Variants in MECOM observed in about 807,000 individuals in gnomAD.
MECOM encodes the protein histone-lysine N-methyltransferase MECOM.
In MECOM, 13 loss-of-function variants were observed where a neutral mutation model predicts 116.3. The observed-to-expected ratio is 0.11, with a 90% CI of 0.07 to 0.18. The LOEUF is 0.18. Ranked by LOEUF, MECOM falls within the 10% of genes least tolerant of loss-of-function variation. MECOM has a pLI of 1.00. For missense variants in MECOM, 1,299 were observed against 1,509.0 expected, an observed-to-expected ratio of 0.86 and a Z score of 2.31; for synonymous variants, 528 against 535.2, an observed-to-expected ratio of 0.99 and a Z score of 0.19.
At chr3:169,443,554 T>C (rs1386050699) in intron 1 of MECOM, among the ~76,000 whole-genome samples, 1 of 152,220 alleles carries the variant, frequency 6.6e-6, no homozygotes, top group African/African-American at 2.4e-5. Flanking sequence ...TGCCCTCAAA[T>C]AGTTAAGGCT....
intron 16 of MECOM, chr3:169,086,377 C>A (rs1237993001): frequency 3.5e-6 from 2 of 575,872 alleles, no homozygotes; most frequent in African/African-American, 3.8e-5. Context: ...GATTATGTAC[C>A]TACTTTTAGA....
At chr3:169,377,336 T>TTAAAC (rs1731214318) in intron 2 of MECOM, among the ~76,000 whole-genome samples, 6 of 151,358 alleles carry the variant, frequency 4.0e-5, no homozygotes, top group East Asian at 1.9e-4. Context: ...TGGGATCTAA[T>TTAAAC]TAAAGAGCTT....
At chr3:169,609,686 T>C (rs1769017837) in intron 1 of MECOM, among the ~76,000 whole-genome samples, 1 of 152,188 alleles carries the variant, frequency 6.6e-6, no homozygotes, top group Non-Finnish European at 1.5e-5. Flanking sequence ...CGTTTTCTTT[T>C]GAATCAACAA....
chr3:169,460,812 A>G (rs1747316267), intron 1 of MECOM, among the ~76,000 whole-genome samples: 2 of 152,184 alleles, frequency 1.3e-5, no homozygotes, highest in African/African-American at 4.8e-5. Context: ...GCAGTGTGAT[A>G]GCAAAGCATG....
At chr3:169,221,782 A>T (rs1752170464) in intron 2 of MECOM, among the ~76,000 whole-genome samples, 1 of 152,088 alleles carries the variant, frequency 6.6e-6, no homozygotes, top group Non-Finnish European at 1.5e-5. Flanking sequence ...CTACGTATCC[A>T]CTTCATTCAC....
chr3:169,266,402 G>A (rs751802856), intron 2 of MECOM, among the ~76,000 whole-genome samples: 2 of 152,166 alleles, frequency 1.3e-5, no homozygotes, highest in African/African-American at 2.4e-5. Context: ...TTTGAAAATG[G>A]TATAACCATT....
At chr3:169,410,104 A>C (rs1288638796) in intron 1 of MECOM, among the ~76,000 whole-genome samples, 1 of 152,224 alleles carries the variant, frequency 6.6e-6, no homozygotes, top group African/African-American at 2.4e-5. Context: ...CATGCACATA[A>C]AGACACACCA....
At chr3:169,658,336 C>T (rs1775785118) in intron 1 of MECOM, among the ~76,000 whole-genome samples, 1 of 152,248 alleles carries the variant, frequency 6.6e-6, no homozygotes, top group African/African-American at 2.4e-5. Context: ...CAAACTCACT[C>T]TCCCTTGCCC....
intron 2 of MECOM, among the ~76,000 whole-genome samples, chr3:169,284,571 G>T (rs530304192): frequency 6.8e-6 from 1 of 146,878 alleles, no homozygotes; most frequent in African/African-American, 2.5e-5. Context: ...GTATATGAGC[G>T]CACACACACA....
At chr3:169,628,419 A>C (rs1214797127) in intron 1 of MECOM, among the ~76,000 whole-genome samples, 1 of 152,168 alleles carries the variant, frequency 6.6e-6, no homozygotes, top group East Asian at 1.9e-4. Context: ...TTTTTGTTTA[A>C]TTTTTATAGT....
intron 1 of MECOM, among the ~76,000 whole-genome samples, chr3:169,453,054 T>G (rs980234800): frequency 7.9e-5 from 12 of 152,180 alleles, no homozygotes; most frequent in African/African-American, 2.9e-4. Flanking sequence ...AAATAGTAAC[T>G]TAGATGTAAA....
At chr3:169,551,270 C>CT (rs1761370383) in intron 1 of MECOM, among the ~76,000 whole-genome samples, 1 of 151,990 alleles carries the variant, frequency 6.6e-6, no homozygotes, top group African/African-American at 2.4e-5. Flanking sequence ...CCCTCCAGGT[C>CT]TTAACACATC....
intron 1 of MECOM, among the ~76,000 whole-genome samples, chr3:169,468,368 C>T (rs1003857220): frequency 5.3e-5 from 8 of 152,126 alleles, no homozygotes; most frequent in South Asian, 2.1e-4. Context: ...TGTACAAACA[C>T]GTACTTAATT....
At chr3:169,404,521 C>T (rs1435861364) in intron 1 of MECOM, among the ~76,000 whole-genome samples, 5 of 152,138 alleles carry the variant, frequency 3.3e-5, no homozygotes, top group African/African-American at 9.7e-5. Flanking sequence ...AGCAAACAAT[C>T]CAAAAATCTT....
At chr3:169,100,999 C>T in intron 11 of MECOM, 37 bp from the exon 12 acceptor site, 4 of 1,483,804 alleles carry the variant, frequency 2.7e-6, no homozygotes, top group Non-Finnish European at 3.7e-6. Context: ...AAAGTCAGCA[C>T]AGTTGACTAT....
At chr3:169,413,142 C>T (rs554416898) in intron 1 of MECOM, among the ~76,000 whole-genome samples, 43 of 152,330 alleles carry the variant, frequency 2.8e-4, no homozygotes, top group African/African-American at 8.4e-4. Context: ...TCTGCATTTC[C>T]AACTGAGGTA....
Position 169,575,927 on chromosome 3 carries a change from G to A in MECOM, c.37+87409C>T, listed in dbSNP as rs367843989. 1.3e-4 allele frequency among the ~76,000 whole-genome samples: 19 copies of A among 151,718 alleles called. No homozygotes were observed. The East Asian group carries it at 2.5e-3, about 20-fold the overall frequency. ...TCAGCCTAGCATTTCCCTGTAAACCGTACAAATTCACTGATACACAAGAAA... is the reference window on the plus strand; with the variant it reads ...TCAGCCTAGCATTTCCCTGTAAACCATACAAATTCACTGATACACAAGAAA... On this transcript the variant is annotated intron_variant, in intron 1 of 16. Transcript: ENST00000651503.
At chr3:169,584,362 G>A (rs1459479143) in intron 1 of MECOM, among the ~76,000 whole-genome samples, 2 of 151,150 alleles carry the variant, frequency 1.3e-5, no homozygotes, top group Admixed American at 1.3e-4. Flanking sequence ...TCTGGAGATA[G>A]AGACCATCTT....
chr3:169,286,735 C>T (rs187403607), intron 2 of MECOM, among the ~76,000 whole-genome samples: 112 of 152,216 alleles, frequency 7.4e-4, no homozygotes, highest in African/African-American at 2.5e-3. Context: ...AATTAAAAAA[C>T]AAACAAGCAA....
Sources: gnomAD v4.1 joint callset for allele counts (sites outside exome capture counted in the v4.1 genomes callset) on GRCh38, gnomAD v4.1.1 for gene constraint, MANE v1.5 for transcripts, NCBI Gene and HGNC (gene_info 2026-07-23, HGNC 2026-07-21) for gene names.